Variants in IQSEC3 observed in about 807,000 individuals in gnomAD.
IQSEC3 encodes the protein IQ motif and SEC7 domain-containing protein 3.
In IQSEC3, 50 loss-of-function variants were observed where a neutral mutation model predicts 105.4. The observed-to-expected ratio is 0.47, with a 90% CI of 0.38 to 0.60. The LOEUF is 0.60. Among genes scored for constraint, IQSEC3 ranks in the 20% least tolerant of loss-of-function variants. The probability of loss-of-function intolerance (pLI) is 0.00; values close to 1 mark genes in which losing one functional copy is unlikely to be tolerated. For synonymous variants in IQSEC3, 708 were observed against 746.0 expected (o/e 0.95, Z 0.83); for missense variants, 1,415 against 1,630.0 (o/e 0.87, Z 2.27).
chr12:171,212 C>T (rs782176579), intron 13 of IQSEC3, 51 bp downstream of exon 13: 3 of 1,612,876 alleles, frequency 1.9e-6, no homozygotes, highest in East Asian at 2.2e-5. Flanking sequence ...CCCCCTTGTT[C>T]TTCTTCTCAC....
chr12:162,750 C>T (rs567801487), intron 8 of IQSEC3, among the ~76,000 whole-genome samples: 14 of 152,240 alleles, frequency 9.2e-5, no homozygotes, highest in South Asian at 4.2e-4. Flanking sequence ...GGGTTGCAAG[C>T]GACTGGTTTG....
chr12:136,558 T>C (rs1342918128), intron 3 of IQSEC3, among the ~76,000 whole-genome samples: 4 of 152,094 alleles, frequency 2.6e-5, no homozygotes, highest in African/African-American at 9.7e-5. Flanking sequence ...TTTCTATCTG[T>C]ACCCTCGCCA....
At chr12:75,538 G>A (rs1478763231) in intron 1 of IQSEC3, among the ~76,000 whole-genome samples, 1 of 151,986 alleles carries the variant, frequency 6.6e-6, no homozygotes, top group Non-Finnish European at 1.5e-5. Context: ...TCCTTTCTAG[G>A]ATCTTAAAAT....
At position 149,587 on chromosome 12, in the gene IQSEC3, C is replaced by T. The variant is rs187841867; in HGVS notation, c.2154-7438C>T. On this transcript the variant is annotated intron_variant, in intron 5 of 13. Coordinates refer to ENST00000538872, the MANE Select transcript of IQSEC3 (RefSeq NM_001170738.2). ...ACAAAACAGTGATTGGGTGCCCATACACCAGGGAGGCAGAGATTAAAATAA... is the reference window on the plus strand; with the variant it reads ...ACAAAACAGTGATTGGGTGCCCATATACCAGGGAGGCAGAGATTAAAATAA... Among the ~76,000 whole-genome samples the T allele has an allele frequency of 1.8e-4, 27 of 152,342 alleles. 1 individual carries two copies. The East Asian group carries it at 4.6e-3, about 26-fold the overall frequency.
At chr12:148,461 T>A (rs1402813186) in intron 5 of IQSEC3, 4 of 152,174 alleles carry the variant, frequency 2.6e-5, no homozygotes, top group Non-Finnish European at 5.9e-5. Context: ...TTGAACTTAG[T>A]TCTTTGGGTA....
At chr12:111,242 A>C (rs74054887) in intron 2 of IQSEC3, among the ~76,000 whole-genome samples, 1,595 of 152,334 alleles carry the variant, frequency 0.01, 23 homozygotes, top group African/African-American at 0.033. Flanking sequence ...AGAAAATTAA[A>C]GCTTGGCACA....
intron 5 of IQSEC3, among the ~76,000 whole-genome samples, chr12:145,231 G>A (rs1306783191): frequency 6.6e-6 from 1 of 152,214 alleles, no homozygotes; most frequent in African/African-American, 2.4e-5. Flanking sequence ...CAATGTACAT[G>A]AAGTGCCTGA....
intron 2 of IQSEC3, 115 bp downstream of exon 2, chr12:99,329 A>G: frequency 3.1e-6 from 3 of 966,170 alleles, no homozygotes; most frequent in Non-Finnish European, 3.1e-6. Flanking sequence ...CATGTGGGGT[A>G]ATTTGTTTGC....
chr12:161,892 CCCA>C (rs1555096346), intron 7 of IQSEC3, 31 bp from the exon 8 acceptor site: 3 of 1,549,418 alleles, frequency 1.9e-6, no homozygotes, highest in Non-Finnish European at 2.6e-6. Context: ...CCCTCCCAAC[CCCA>C]CCACCACCCC....
chr12:169,540 TAC>T (rs1212225809), intron 12 of IQSEC3, among the ~76,000 whole-genome samples: 1 of 152,192 alleles, frequency 6.6e-6, no homozygotes, highest in African/African-American at 2.4e-5. Context: ...CTCTTCTCTG[TAC>T]AGTCCCTTCT....
rs782650687 is a variant in IQSEC3, at chr12:169,018, C to T, written c.2977C>T (p.Leu993=). The T allele has an allele frequency of 4.3e-6, 7 of 1,613,864 alleles. No individual in the cohort carries two copies. The South Asian group carries it at 7.7e-5, about 18-fold the overall frequency. The change falls in exon 12 of 14, where the codon CTG becomes TTG. Residue 993 remains leucine, a synonymous_variant. Transcript: ENST00000538872. ...CGGGCCTCTGCATTCCTTAGGGGAGCTGGAGAAGCAGCAGGGAACAAAGAC... is the reference window on the plus strand; with the variant it reads ...CGGGCCTCTGCATTCCTTAGGGGAGTTGGAGAAGCAGCAGGGAACAAAGAC... ...ELEQIRIEWE[L]EKQQGTKTLS...
At chr12:104,376 A>G (rs868953118) in intron 2 of IQSEC3, among the ~76,000 whole-genome samples, 1 of 152,184 alleles carries the variant, frequency 6.6e-6, no homozygotes, top group Admixed American at 6.5e-5. Flanking sequence ...AATAACATCT[A>G]TTTCCTCTGA....
intron 2 of IQSEC3, among the ~76,000 whole-genome samples, chr12:123,631 G>A (rs1016158670): frequency 2.6e-5 from 4 of 152,144 alleles, no homozygotes; most frequent in Admixed American, 6.5e-5. Flanking sequence ...GGCAGATGGA[G>A]ATTGAGAGAA....
At chr12:111,101 C>T (rs1409735189) in intron 2 of IQSEC3, among the ~76,000 whole-genome samples, 2 of 152,126 alleles carry the variant, frequency 1.3e-5, no homozygotes, top group Non-Finnish European at 2.9e-5. Context: ...GATCCCAGGG[C>T]TTTTCATTGG....
chr12:149,114 T>C (rs375212550), intron 5 of IQSEC3: 9 of 152,206 alleles, frequency 5.9e-5, no homozygotes, highest in Middle Eastern at 3.2e-3. Flanking sequence ...ACATCCTTTT[T>C]CCCCAACGCT....
intron 12 of IQSEC3, 118 bp from the exon 13 acceptor site, chr12:170,994 C>A (rs559017730): frequency 8.0e-7 from 1 of 1,253,990 alleles, no homozygotes; most frequent in Non-Finnish European, 1.1e-6. Flanking sequence ...ACCTCCGCCT[C>A]AGTGAGGAGC....
chr12:75,053 T>C (rs527566988), intron 1 of IQSEC3, among the ~76,000 whole-genome samples: 210 of 152,392 alleles, frequency 1.4e-3, no homozygotes, highest in African/African-American at 4.7e-3. Context: ...ATGTTAATAA[T>C]TCCACAGTCA....
intron 1 of IQSEC3, among the ~76,000 whole-genome samples, chr12:85,456 G>T (rs1432285016): frequency 6.6e-6 from 1 of 152,232 alleles, no homozygotes; most frequent in Non-Finnish European, 1.5e-5. Context: ...GAGCCCTCTT[G>T]GCTCCCTGCA....
chr12:71,515 C>A (rs1157837325), intron 1 of IQSEC3, among the ~76,000 whole-genome samples: 1 of 152,264 alleles, frequency 6.6e-6, no homozygotes, highest in Non-Finnish European at 1.5e-5. Flanking sequence ...TGTTAACAGC[C>A]AAAGAGCAGG....
Sources: gnomAD v4.1 joint callset for allele counts (sites outside exome capture counted in the v4.1 genomes callset) on GRCh38, gnomAD v4.1.1 for gene constraint, MANE v1.5 for transcripts, NCBI Gene and HGNC (gene_info 2026-07-23, HGNC 2026-07-21) for gene names.